Variants in EPHA5 observed in about 807,000 individuals in gnomAD.
The protein encoded by EPHA5 is ephrin type-A receptor 5.
In EPHA5, 60 loss-of-function variants were observed where a neutral mutation model predicts 105.0. The ratio of observed to expected loss-of-function variants is 0.57; its 90% confidence interval spans 0.46 to 0.71. The LOEUF is 0.71. Among genes scored for constraint, EPHA5 ranks in the 30% least tolerant of loss-of-function variants. The pLI is 0.00. For synonymous variants in EPHA5, 513 were observed against 449.1 expected (o/e 1.14, Z -1.80); for missense variants, 1,218 against 1,274.7 (o/e 0.96, Z 0.68).
intron 5 of EPHA5, among the ~76,000 whole-genome samples, chr4:65,436,191 T>A (rs1332376021): frequency 6.6e-6 from 1 of 151,980 alleles, no homozygotes; most frequent in Non-Finnish European, 1.5e-5. Context: ...TGACACAGAG[T>A]TGTTCTGATA....
chr4:65,407,630 G>A (rs561346196), intron 7 of EPHA5, among the ~76,000 whole-genome samples: 1 of 151,528 alleles, frequency 6.6e-6, no homozygotes, highest in South Asian at 2.1e-4. Context: ...AGCAATCAGA[G>A]CCTATTTTGT....
chr4:65,517,475 A>C (rs554604073), intron 3 of EPHA5, among the ~76,000 whole-genome samples: 1 of 152,028 alleles, frequency 6.6e-6, no homozygotes, highest in Middle Eastern at 3.4e-3. Context: ...TTGTACTCTA[A>C]TGATCTGCAC....
chr4:65,345,647 A>T (rs778335746), intron 14 of EPHA5, among the ~76,000 whole-genome samples: 22 of 152,272 alleles, frequency 1.4e-4, no homozygotes, highest in Admixed American at 4.6e-4. Flanking sequence ...AAAGGGCTTC[A>T]TCAAGGGTCT....
At chr4:65,608,367 G>T (rs1402012436) in intron 2 of EPHA5, among the ~76,000 whole-genome samples, 1 of 151,986 alleles carries the variant, frequency 6.6e-6, no homozygotes, top group East Asian at 1.9e-4. Context: ...AGCCGGGCGT[G>T]GTGGTGGGCA....
At chr4:65,530,030 G>A (rs11940190) in intron 3 of EPHA5, among the ~76,000 whole-genome samples, 41,815 of 151,914 alleles carry the variant, frequency 0.28, 5,866 homozygotes, top group Middle Eastern at 0.34. Context: ...GTCCTTTGTT[G>A]TGACAGGTGC....
intron 16 of EPHA5, chr4:65,331,461 G>T (rs1432479265): frequency 1.0e-5 from 11 of 1,047,738 alleles, no homozygotes; most frequent in Middle Eastern, 4.3e-4. Flanking sequence ...TACATCCTTA[G>T]ATTGAAAGAA....
At chr4:65,348,012 G>A (rs2148841115) in intron 14 of EPHA5, 42 bp downstream of exon 14, 2 of 1,513,498 alleles carry the variant, frequency 1.3e-6, no homozygotes, top group Non-Finnish European at 1.8e-6. Flanking sequence ...AGAGAACAAA[G>A]CATTTCATTG....
intron 8 of EPHA5, among the ~76,000 whole-genome samples, chr4:65,395,621 T>C (rs1481243357): frequency 2.0e-5 from 3 of 152,208 alleles, no homozygotes; most frequent in South Asian, 2.1e-4. Context: ...TTCAGAAAAC[T>C]GAGACATTTC....
chr4:65,392,217 CA>C (rs1720785169), intron 8 of EPHA5, among the ~76,000 whole-genome samples: 1 of 152,022 alleles, frequency 6.6e-6, no homozygotes, highest in African/African-American at 2.4e-5. Context: ...AAGAAAAAAG[CA>C]TGTAATCATG....
chr4:65,572,766 C>G (rs978161334), intron 3 of EPHA5, among the ~76,000 whole-genome samples: 1 of 151,858 alleles, frequency 6.6e-6, no homozygotes, highest in South Asian at 2.1e-4. Flanking sequence ...CGTGGTGGCT[C>G]ACGCCTATAA....
chr4:65,646,029 A>G (rs1211682710), intron 1 of EPHA5, among the ~76,000 whole-genome samples: 1 of 152,206 alleles, frequency 6.6e-6, no homozygotes, highest in Non-Finnish European at 1.5e-5. Context: ...AGAATAAATT[A>G]GGATTTGATT....
At chr4:65,365,565 CAGGTTATAGCTAGAAAAAA>C (rs1375447803) in intron 10 of EPHA5, among the ~76,000 whole-genome samples, 2 of 144,448 alleles carry the variant, frequency 1.4e-5, no homozygotes, top group Non-Finnish European at 3.0e-5. Context: ...AAAAGCCAAC[CAGGTTATAGCTAGAAAAAA>C]AGGAAACAAT....
intron 3 of EPHA5, among the ~76,000 whole-genome samples, chr4:65,522,925 T>C (rs1734895484): frequency 6.6e-6 from 1 of 151,898 alleles, no homozygotes; most frequent in Non-Finnish European, 1.5e-5. Flanking sequence ...AGTGATACCA[T>C]GGGAATTGAG....
Position 65,515,287 on chromosome 4 carries a change from CT to C in EPHA5, c.911-19745del, listed in dbSNP as rs1252192551. Among the ~76,000 whole-genome samples, 3 of 151,942 alleles carry C rather than the reference CT, an allele frequency of 2.0e-5. No individual in the cohort carries two copies. The South Asian group carries it at 6.2e-4, about 32-fold the overall frequency. Reference sequence around the variant, plus strand: ...AGAAATCCACCTACATTGTTGTTTTCTTTTTTAAAAAAAACAACAACATTGC... The same window carrying C: ...AGAAATCCACCTACATTGTTGTTTTCTTTTTAAAAAAAACAACAACATTGC... On this transcript the variant is annotated intron_variant, in intron 3 of 16. Coordinates refer to ENST00000613740, the MANE Select transcript of EPHA5 (RefSeq NM_001281766.3).
intron 13 of EPHA5, among the ~76,000 whole-genome samples, chr4:65,348,875 G>A (rs1397340331): frequency 2.2e-5 from 3 of 133,360 alleles, no homozygotes; most frequent in Non-Finnish European, 3.1e-5. Context: ...GAGTGCAGTG[G>A]TGAGATTTCC....
intron 3 of EPHA5, among the ~76,000 whole-genome samples, chr4:65,567,096 G>A (rs559941266): frequency 2.0e-5 from 3 of 151,686 alleles, no homozygotes; most frequent in Admixed American, 6.6e-5. Context: ...ATTTATTTCT[G>A]AAGTGCTGTA....
intron 3 of EPHA5, among the ~76,000 whole-genome samples, chr4:65,551,239 T>C (rs1219491647): frequency 7.2e-6 from 1 of 138,428 alleles, no homozygotes; most frequent in Non-Finnish European, 1.6e-5. Flanking sequence ...ATATATGGAG[T>C]GTATATATTT....
At chr4:65,421,158 CT>C (rs1177834755) in intron 5 of EPHA5, among the ~76,000 whole-genome samples, 1 of 151,974 alleles carries the variant, frequency 6.6e-6, no homozygotes, top group Non-Finnish European at 1.5e-5. Flanking sequence ...ATCATAATCA[CT>C]TCTGGTGATC....
rs115058088 is a variant in EPHA5 at position 65,545,187 on chromosome 4, C to T, written c.911-49644G>A. 4.5e-3 allele frequency among the ~76,000 whole-genome samples: 691 copies of T among 151,966 alleles called. 7 individuals are homozygous for T. Among genetic ancestry groups the T allele is most frequent in the Non-Finnish European group, 6.2e-3 (423 of 67,886 alleles). ...CTGCTAACTGAAAGTAATATGACAT[C>T]GGAGAATCAGCATCTATGATTCTTT... is the stretch of plus-strand genomic sequence containing the variant. On this transcript the variant is annotated intron_variant, in intron 3 of 16. Transcript: ENST00000613740.
Sources: allele counts gnomAD v4.1 joint callset (sites outside exome capture counted in the v4.1 genomes callset), GRCh38; gene constraint gnomAD v4.1.1; transcripts MANE v1.5; gene names NCBI Gene and HGNC (gene_info 2026-07-23, HGNC 2026-07-21).